PDE7B: variants seen among roughly 807,000 people sequenced by gnomAD.
PDE7B encodes 3',5'-cyclic-AMP phosphodiesterase 7B.
In PDE7B, 29 loss-of-function variants were observed where a neutral mutation model predicts 56.2. The observed-to-expected ratio is 0.52, with a 90% CI of 0.38 to 0.70. The LOEUF (loss-of-function observed/expected upper bound fraction) is 0.70. PDE7B is among the 30% of genes least tolerant of loss of function. The probability of loss-of-function intolerance (pLI) is 0.00; values close to 1 mark genes in which losing one functional copy is unlikely to be tolerated. For synonymous variants in PDE7B, 197 were observed against 196.9 expected (o/e 1.00, Z 0.00); for missense variants, 490 against 565.0 (o/e 0.87, Z 1.35).
intron 8 of PDE7B, chr6:136,156,004 T>A (rs1432268645): frequency 1.7e-6 from 1 of 604,224 alleles, no homozygotes; most frequent in Non-Finnish European, 3.2e-6. Flanking sequence ...ATACAATTGT[T>A]TTTTAAAATC....
chr6:135,928,465 TTATTTATATATATATATTTATTTA>T (rs1774232130), intron 1 of PDE7B, among the ~76,000 whole-genome samples: 1 of 75,562 alleles, frequency 1.3e-5, no homozygotes, highest in East Asian at 2.9e-4. Flanking sequence ...ATATATATAT[TTATTTATATATATATATTTATTTA>T]TATATATATA....
At chr6:136,091,816 A>AT (rs148807622) in intron 2 of PDE7B, among the ~76,000 whole-genome samples, 5,605 of 149,720 alleles carry the variant, frequency 0.037, 318 homozygotes, top group African/African-American at 0.13. Context: ...GGAATCAAAT[A>AT]TTTTTTTTTT....
At chr6:136,024,671 A>G (rs1460082844) in intron 2 of PDE7B, among the ~76,000 whole-genome samples, 2 of 152,132 alleles carry the variant, frequency 1.3e-5, no homozygotes, top group Non-Finnish European at 2.9e-5. Context: ...GATGCTTGTC[A>G]TGTATGCTTG....
At position 136,151,159 on chromosome 6, in the gene PDE7B, G is replaced by T; in HGVS notation, c.383-1G>T. ...TAAAGGAAGTGACTGTTTTCCTGCA[G>T]GAAACAGCCTGGTAACACTGTTGTG... On this transcript the variant is annotated splice_acceptor_variant, in intron 5 of 12. Transcript: ENST00000308191. LOFTEE classifies it high-confidence loss of function. 6.3e-7 allele frequency: 1 copy of T among 1,582,052 alleles called. No individual in the cohort carries two copies. The highest frequency in any genetic ancestry group is 8.7e-7 in the Non-Finnish European group (1 of 1,152,196).
intron 1 of PDE7B, among the ~76,000 whole-genome samples, chr6:135,867,466 G>A (rs1775283884): frequency 6.6e-6 from 1 of 152,056 alleles, no homozygotes. Context: ...TGCAGGATGT[G>A]CAGGTTTGTT....
At chr6:136,186,229 A>G (rs1779142748) in intron 11 of PDE7B, among the ~76,000 whole-genome samples, 1 of 152,086 alleles carries the variant, frequency 6.6e-6, no homozygotes, top group South Asian at 2.1e-4. Context: ...TAGTCTGGAC[A>G]ACATAGCGAG....
intron 1 of PDE7B, among the ~76,000 whole-genome samples, chr6:135,865,256 ACTTAC>A (rs1775232892): frequency 6.6e-6 from 1 of 152,062 alleles, no homozygotes; most frequent in African/African-American, 2.4e-5. Context: ...TACTCCCATT[ACTTAC>A]CTTCAATCTC....
chr6:136,015,072 C>T (rs9399177), intron 2 of PDE7B, among the ~76,000 whole-genome samples: 38,063 of 152,214 alleles, frequency 0.25, 5,823 homozygotes, highest in East Asian at 0.39. Context: ...ATTTTAAGCC[C>T]AAAAGCAGCA....
chr6:136,106,947 C>T (rs372617087), intron 2 of PDE7B, among the ~76,000 whole-genome samples: 5 of 152,312 alleles, frequency 3.3e-5, no homozygotes, highest in Admixed American at 2.0e-4. Context: ...TCCTCTTCCT[C>T]TCACTTTGGT....
intron 2 of PDE7B, among the ~76,000 whole-genome samples, chr6:136,032,782 T>G (rs1297662149): frequency 2.0e-5 from 3 of 152,234 alleles, no homozygotes; most frequent in African/African-American, 7.2e-5. Context: ...TATTAAATTT[T>G]TATAGCACAT....
At chr6:136,183,178 C>T (rs1373660955) in intron 11 of PDE7B, among the ~76,000 whole-genome samples, 1 of 151,942 alleles carries the variant, frequency 6.6e-6, no homozygotes, top group Non-Finnish European at 1.5e-5. Flanking sequence ...ACACTGATCT[C>T]TAAAGGCAGG....
At chr6:136,021,242 T>C (rs1776065404) in intron 2 of PDE7B, among the ~76,000 whole-genome samples, 1 of 152,248 alleles carries the variant, frequency 6.6e-6, no homozygotes, top group Admixed American at 6.5e-5. Flanking sequence ...AAATGCCTGA[T>C]TAAATATATC....
At chr6:136,013,553 A>G (rs1228903655) in intron 2 of PDE7B, among the ~76,000 whole-genome samples, 3 of 152,246 alleles carry the variant, frequency 2.0e-5, no homozygotes, top group African/African-American at 7.2e-5. Flanking sequence ...CCACAGTAGC[A>G]CATGGGAGGC....
chr6:135,866,873 C>T (rs1176848742), intron 1 of PDE7B, among the ~76,000 whole-genome samples: 1 of 151,990 alleles, frequency 6.6e-6, no homozygotes, highest in African/African-American at 2.4e-5. Flanking sequence ...TAATATAAAC[C>T]CTAGAGTAAG....
At chr6:135,947,230 T>C (rs972507215) in intron 1 of PDE7B, among the ~76,000 whole-genome samples, 2 of 152,110 alleles carry the variant, frequency 1.3e-5, no homozygotes, top group African/African-American at 4.8e-5. Context: ...TGGGAGCACA[T>C]AGAATCTGCT....
intron 1 of PDE7B, among the ~76,000 whole-genome samples, chr6:135,889,879 A>C (rs527693879): frequency 4.8e-5 from 7 of 145,512 alleles, no homozygotes; most frequent in East Asian, 4.1e-4. Flanking sequence ...CAGACTCCTG[A>C]GTAGTTGGGA....
intron 2 of PDE7B, among the ~76,000 whole-genome samples, chr6:136,052,022 TATTAC>T (rs1005956925): frequency 4.0e-5 from 6 of 151,680 alleles, no homozygotes; most frequent in African/African-American, 1.5e-4. Flanking sequence ...TTTAAATAGA[TATTAC>T]ATTACATGTA....
intron 1 of PDE7B, among the ~76,000 whole-genome samples, chr6:135,852,386 GA>G (rs1222307800): frequency 6.6e-6 from 1 of 152,010 alleles, no homozygotes; most frequent in Non-Finnish European, 1.5e-5. Context: ...TTTTTGGTGG[GA>G]CAGGATAGGA....
At chr6:135,876,072 G>T (rs993975205) in intron 1 of PDE7B, among the ~76,000 whole-genome samples, 1 of 152,144 alleles carries the variant, frequency 6.6e-6, no homozygotes, top group Non-Finnish European at 1.5e-5. Flanking sequence ...CTCAGGGCAG[G>T]TGTGACCCGA....
Sources: allele counts gnomAD v4.1 joint callset (sites outside exome capture counted in the v4.1 genomes callset), GRCh38; gene constraint gnomAD v4.1.1; transcripts MANE v1.5; gene names NCBI Gene and HGNC (gene_info 2026-07-23, HGNC 2026-07-21).